The following CBR4 variants were observed in gnomAD, a reference collection of about 807,000 sequenced individuals.
CBR4 encodes carbonyl reductase 4, also known as 3-oxoacyl-[acyl-carrier-protein] reductase.
CBR4 carries 22 observed loss-of-function variants against 21.0 expected under a neutral mutation model. The ratio of observed to expected loss-of-function variants is 1.05; its 90% CI spans 0.75 to 1.50. The LOEUF (loss-of-function observed/expected upper bound fraction) is 1.50. CBR4 is among the 40% of genes most tolerant of loss of function. The probability of loss-of-function intolerance (pLI) is 0.00; values close to 1 mark genes in which losing one functional copy is unlikely to be tolerated. For synonymous variants in CBR4, 100 were observed against 104.4 expected (o/e 0.96, Z 0.26); for missense variants, 302 against 286.3 (o/e 1.05, Z -0.40).
At chr4:168,956,699 T>C (rs1274719494) in intron 2 of CBR4, among the ~76,000 whole-genome samples, 1 of 151,776 alleles carries the variant, frequency 6.6e-6, no homozygotes, top group African/African-American at 2.4e-5. Context: ...CGCTATTTCA[T>C]TTAATCCTTA....
At position 168,940,606 on chromosome 4, in the gene CBR4, A is replaced by G. The variant is rs145733269; in HGVS notation, n.170-45841T>C. Among the ~76,000 whole-genome samples the G allele has an allele frequency of 5.2e-3, 786 of 152,088 alleles. 4 individuals are homozygous for G. The highest frequency in any genetic ancestry group is 0.018 in the African/African-American group (734 of 41,538). On this transcript the variant is annotated intron_variant and non_coding_transcript_variant, in intron 2 of 3. Coordinates refer to the CBR4 transcript ENST00000509108. ...AACAAATTTACAAGAAAAAAAAAACATCAAAAAGTGGGTGAAGAATATGAA... is the reference window on the plus strand; with the variant it reads ...AACAAATTTACAAGAAAAAAAAAACGTCAAAAAGTGGGTGAAGAATATGAA...
intron 2 of CBR4, among the ~76,000 whole-genome samples, chr4:168,922,046 C>T (rs542676008): frequency 6.7e-6 from 1 of 149,756 alleles, no homozygotes; most frequent in East Asian, 2.0e-4. Context: ...GCATGGACTC[C>T]AAGAACCAAA....
chr4:168,911,495 A>G lies in CBR4; in HGVS notation n.170-16730T>C, dbSNP rs115900936. 4.5e-3 allele frequency among the ~76,000 whole-genome samples: 687 copies of G among 152,288 alleles called. 1 individual carries two copies. The highest frequency in any genetic ancestry group is 0.016 in the African/African-American group (654 of 41,534). On this transcript the variant is annotated intron_variant and non_coding_transcript_variant, in intron 2 of 3. Coordinates refer to the CBR4 transcript ENST00000509108. ...AATTGGAAGCTATTTGTGTAAAACA[A>G]TACACACACTTCCTTGTCCTCAACC... is the stretch of plus-strand genomic sequence containing the variant.
intron 2 of CBR4, among the ~76,000 whole-genome samples, chr4:168,921,253 A>G (rs1305584701): frequency 6.6e-6 from 1 of 151,756 alleles, no homozygotes; most frequent in Non-Finnish European, 1.5e-5. Context: ...TGAAAATACT[A>G]AAAATTAGGC....
intron 2 of CBR4, among the ~76,000 whole-genome samples, chr4:168,905,780 GCTTTT>G (rs1308389107): frequency 3.0e-5 from 4 of 135,334 alleles, no homozygotes; most frequent in Non-Finnish European, 6.3e-5. Context: ...AGCGGAACTT[GCTTTT>G]TTTTCTTTTT....
intron 2 of CBR4, among the ~76,000 whole-genome samples, chr4:168,940,726 A>G (rs1428153870): frequency 1.3e-5 from 2 of 152,248 alleles, no homozygotes; most frequent in African/African-American, 4.8e-5. Flanking sequence ...AATCAAAACC[A>G]CAATGAGATA....
intron 2 of CBR4, among the ~76,000 whole-genome samples, chr4:168,940,826 TTGG>T (rs1303613372): frequency 2.6e-5 from 4 of 152,236 alleles, no homozygotes; most frequent in African/African-American, 4.8e-5. Flanking sequence ...TTTTACACTG[TTGG>T]TGGGAGTGTA....
chr4:168,969,055 A>G (rs567610099), intron 2 of CBR4, among the ~76,000 whole-genome samples: 2 of 152,226 alleles, frequency 1.3e-5, no homozygotes, highest in Non-Finnish European at 2.9e-5. Flanking sequence ...TCCCATTAAC[A>G]TCAGAGCCAC....
chr4:168,959,338 G>C (rs1297663554), intron 2 of CBR4, among the ~76,000 whole-genome samples: 1 of 151,966 alleles, frequency 6.6e-6, no homozygotes. Context: ...AAAATCAATT[G>C]ACCATACTTG....
intron 2 of CBR4, among the ~76,000 whole-genome samples, chr4:168,909,134 G>A (rs138861810): frequency 7.2e-4 from 109 of 152,284 alleles, no homozygotes; most frequent in African/African-American, 2.4e-3. Flanking sequence ...CACAAATACA[G>A]TTTATTTTAG....
At chr4:168,952,361 T>C (rs1763564659) in intron 2 of CBR4, among the ~76,000 whole-genome samples, 1 of 152,212 alleles carries the variant, frequency 6.6e-6, no homozygotes, top group African/African-American at 2.4e-5. Flanking sequence ...GCTTCACCTT[T>C]CTCTGGTGCC....
intron 3 of CBR4, among the ~76,000 whole-genome samples, chr4:169,003,319 T>C (rs1730622530): frequency 1.3e-5 from 2 of 152,162 alleles, no homozygotes; most frequent in South Asian, 4.1e-4. Context: ...ATGGATGACT[T>C]TGTGGGGTTC....
intron 2 of CBR4, among the ~76,000 whole-genome samples, chr4:168,939,529 T>C (rs1183674133): frequency 6.6e-6 from 1 of 152,204 alleles, no homozygotes; most frequent in African/African-American, 2.4e-5. Context: ...GATGACATGA[T>C]TGCATATATA....
chr4:168,960,879 A>C (rs1453116857), intron 2 of CBR4, among the ~76,000 whole-genome samples: 2 of 152,204 alleles, frequency 1.3e-5, no homozygotes, highest in Non-Finnish European at 2.9e-5. Context: ...ATCTATTTCA[A>C]CTTAGATAAT....
At chr4:168,941,752 G>A (rs1417313349) in intron 2 of CBR4, among the ~76,000 whole-genome samples, 2 of 152,100 alleles carry the variant, frequency 1.3e-5, no homozygotes, top group African/African-American at 4.8e-5. Context: ...TTTTAATAAT[G>A]CCATTCTAAA....
At chr4:168,931,341 G>A (rs1259177861) in intron 2 of CBR4, among the ~76,000 whole-genome samples, 3 of 152,160 alleles carry the variant, frequency 2.0e-5, no homozygotes, top group Non-Finnish European at 2.9e-5. Context: ...CCAGGCTAGG[G>A]TATGAGAAAC....
intron 2 of CBR4, among the ~76,000 whole-genome samples, chr4:168,908,469 TTAAA>T (rs1033784145): frequency 1.4e-4 from 21 of 152,266 alleles, no homozygotes; most frequent in African/African-American, 4.1e-4. Flanking sequence ...AGACATGAGT[TTAAA>T]TAGTCATGTC....
At chr4:168,972,245 CTTGTT>C (rs1242744136) in intron 2 of CBR4, among the ~76,000 whole-genome samples, 1 of 152,064 alleles carries the variant, frequency 6.6e-6, no homozygotes, top group Non-Finnish European at 1.5e-5. Flanking sequence ...TTTGCTTAGT[CTTGTT>C]TTGACTATGC....
At chr4:168,967,739 A>G (rs1452698364) in intron 2 of CBR4, among the ~76,000 whole-genome samples, 1 of 152,184 alleles carries the variant, frequency 6.6e-6, no homozygotes, top group African/African-American at 2.4e-5. Flanking sequence ...GGGGTACTAA[A>G]AAGTGTATCT....
Sources: gnomAD v4.1 joint callset for allele counts (sites outside exome capture counted in the v4.1 genomes callset) on GRCh38, gnomAD v4.1.1 for gene constraint, MANE v1.5 for transcripts, NCBI Gene and HGNC (gene_info 2026-07-23, HGNC 2026-07-21) for gene names.